ITGAE: variants seen among roughly 807,000 people sequenced by gnomAD.
ITGAE encodes integrin subunit alpha E.
Under a neutral mutation model 136.5 loss-of-function variants are expected in ITGAE, and 99 were observed. The ratio of observed to expected loss-of-function variants is 0.73; its 90% CI spans 0.62 to 0.86. The LOEUF is 0.86. Ranked by LOEUF, ITGAE falls within the 40% of genes least tolerant of loss-of-function variation. The pLI, the probability that ITGAE is intolerant of heterozygous loss-of-function variation, is 0.00. For missense variants in ITGAE, 1,447 were observed against 1,515.3 expected, an observed-to-expected ratio of 0.95 and a Z score of 0.75; for synonymous variants, 613 against 591.8, an observed-to-expected ratio of 1.04 and a Z score of -0.52.
chr17:3,775,765 C>T (rs1282627486), intron 2 of ITGAE, among the ~76,000 whole-genome samples: 2 of 152,118 alleles, frequency 1.3e-5, no homozygotes, highest in Admixed American at 6.5e-5. Context: ...CCACTGCGCC[C>T]GGCACACAAA....
intron 1 of ITGAE, among the ~76,000 whole-genome samples, chr17:3,786,401 C>T (rs2052799517): frequency 6.6e-6 from 1 of 151,924 alleles, no homozygotes; most frequent in African/African-American, 2.4e-5. Flanking sequence ...AGAAATAATG[C>T]CAAGTTTATA....
chr17:3,722,154 C>A (rs2436087), intron 28 of ITGAE, among the ~76,000 whole-genome samples: 1 of 145,210 alleles, frequency 6.9e-6, no homozygotes, highest in Non-Finnish European at 1.5e-5. Flanking sequence ...ACAACAAGAG[C>A]GAAACTCCGT....
At chr17:3,764,736 G>T (rs555451926) in intron 2 of ITGAE, among the ~76,000 whole-genome samples, 102 of 152,232 alleles carry the variant, frequency 6.7e-4, no homozygotes, top group Non-Finnish European at 1.3e-3. Context: ...AGGTTTGGGG[G>T]TGGCTGCCTC....
At position 3,748,003 on chromosome 17, in the gene ITGAE, C is replaced by T. The variant is rs141709145; in HGVS notation, c.2074G>A (p.Ala692Thr). Reference protein sequence around the residue: ...LKVSMAFTPSALPIGFNGVVN... With the variant: ...LKVSMAFTPSTLPIGFNGVVN... ...ACGCCGTTGAAGCCGATGGGCAGTGCGCTGGGGGTGAAGGCCATGGAGACC... is the reference window on the plus strand; with the variant it reads ...ACGCCGTTGAAGCCGATGGGCAGTGTGCTGGGGGTGAAGGCCATGGAGACC... Residue 692 changes from alanine (A) to threonine (T), a missense_variant, in exon 17 of 31, where the codon GCA (alanine) becomes ACA (threonine). Around this residue, in one of 3 missense-constraint regions of ITGAE, gnomAD observed 1,031 missense variants for 1,011.4 expected, o/e 1.02. Coordinates refer to ENST00000263087, the MANE Select transcript of ITGAE (RefSeq NM_002208.5). 7.6e-4 allele frequency: 1,218 copies of T among 1,613,070 alleles called. 7 individuals carry two copies. The African/African-American group carries it at 0.013, about 17-fold the overall frequency.
intron 19 of ITGAE, among the ~76,000 whole-genome samples, chr17:3,742,595 C>T (rs1352690340): frequency 6.6e-6 from 1 of 151,904 alleles, no homozygotes; most frequent in Non-Finnish European, 1.5e-5. Context: ...GCTGGAACTA[C>T]AGGCATGCAC....
In ITGAE at chr17:3,749,402, G is replaced by A. The variant is rs755720221; in HGVS notation, c.2024+950C>T. ...CGAGTCGCTGGGACTATAGGCGCCCGCCACCATGCCCGGCTAATTTTTTGT... is the reference window on the plus strand; with the variant it reads ...CGAGTCGCTGGGACTATAGGCGCCCACCACCATGCCCGGCTAATTTTTTGT... On this transcript the variant is annotated intron_variant, in intron 16 of 30. Transcript: ENST00000263087. 9.6e-4 allele frequency among the ~76,000 whole-genome samples: 146 copies of A among 152,110 alleles called. 3 individuals are homozygous for A. Among genetic ancestry groups the A allele is most frequent in the African/African-American group, 3.1e-3 (129 of 41,508 alleles).
At chr17:3,740,243 G>A (rs909297) in intron 19 of ITGAE, among the ~76,000 whole-genome samples, 3,212 of 152,322 alleles carry the variant, frequency 0.021, 58 homozygotes, top group Admixed American at 0.031. Flanking sequence ...ACACCTACGC[G>A]AAGAGAAGCT....
intron 2 of ITGAE, among the ~76,000 whole-genome samples, chr17:3,771,313 G>A (rs2052415535): frequency 6.6e-6 from 1 of 152,166 alleles, no homozygotes; most frequent in African/African-American, 2.4e-5. Context: ...CACACCGTAT[G>A]CCTCGTTGAT....
chr17:3,751,056 T>G (rs1421586565), intron 15 of ITGAE, among the ~76,000 whole-genome samples: 2 of 151,778 alleles, frequency 1.3e-5, no homozygotes, highest in African/African-American at 4.8e-5. Context: ...GTGAGCGTGC[T>G]GAGGACTGTC....
intron 30 of ITGAE, among the ~76,000 whole-genome samples, chr17:3,716,220 G>A (rs909196351): frequency 3.8e-5 from 4 of 105,874 alleles, no homozygotes; most frequent in African/African-American, 8.5e-5. Flanking sequence ...GACGGGTAGC[G>A]GACAGAGAGG....
At chr17:3,731,489 G>A (rs967990410) in intron 22 of ITGAE, among the ~76,000 whole-genome samples, 2 of 151,330 alleles carry the variant, frequency 1.3e-5, no homozygotes, top group African/African-American at 2.4e-5. Context: ...TTACAGGCAC[G>A]CACCACCACG....
intron 1 of ITGAE, among the ~76,000 whole-genome samples, chr17:3,794,062 T>C (rs1212346170): frequency 7.4e-6 from 1 of 135,508 alleles, no homozygotes; most frequent in Non-Finnish European, 1.5e-5. Flanking sequence ...CATTGCAACC[T>C]CCGCCTCCTG....
At chr17:3,722,479 T>TAAA (rs1161669258) in intron 28 of ITGAE, 2 of 106,870 alleles carry the variant, frequency 1.9e-5, no homozygotes, top group South Asian at 3.1e-4. Flanking sequence ...AGACTCCATC[T>TAAA]AAAAAAAAAA....
At chr17:3,772,827 GA>G (rs2052458239) in intron 2 of ITGAE, among the ~76,000 whole-genome samples, 1 of 152,144 alleles carries the variant, frequency 6.6e-6, no homozygotes, top group South Asian at 2.1e-4. Flanking sequence ...AATGATGTAG[GA>G]AACGTCGAGC....
chr17:3,767,304 G>A (rs1390164622), intron 2 of ITGAE, among the ~76,000 whole-genome samples: 1 of 151,984 alleles, frequency 6.6e-6, no homozygotes, highest in African/African-American at 2.4e-5. Flanking sequence ...CACCATGTTG[G>A]CCAGGCTGGT....
At chr17:3,752,286 C>T (rs1478652450) in intron 14 of ITGAE, among the ~76,000 whole-genome samples, 4 of 152,246 alleles carry the variant, frequency 2.6e-5, no homozygotes, top group African/African-American at 7.2e-5. Context: ...CTGGGTTTCA[C>T]TCGTGGCTCT....
Position 3,755,193 on chromosome 17 carries a change from G to C in ITGAE, c.1308C>G (p.Arg436=), listed in dbSNP as rs769963976. Residue 436 remains arginine (R), a synonymous_variant, in exon 12 of 31, where the codon CGC becomes CGG. Transcript: ENST00000263087. The part of the protein sequence containing the change: ...WSGGALLYDT[R]SRRGRFLNQT... ...GGTTCAGGAAGCGGCCCCGGCGGCTGCGTGTGTCGTAGAGCAACGCCCCTC... is the reference window on the plus strand; with the variant it reads ...GGTTCAGGAAGCGGCCCCGGCGGCTCCGTGTGTCGTAGAGCAACGCCCCTC... The C allele has an allele frequency of 6.3e-6, 10 of 1,579,794 alleles. No individual in the cohort carries two copies. Among genetic ancestry groups the C allele is most frequent in the Non-Finnish European group, 8.6e-6 (10 of 1,168,554 alleles).
Position 3,755,874 on chromosome 17 carries a change from A to ATCT in ITGAE, c.1194_1195insAGA (p.His398_Tyr399insArg). On this transcript the variant is annotated inframe_insertion, in exon 11 of 31. Transcript: ENST00000263087. The stretch of plus-strand genomic sequence containing the variant: ...CTGAAGCCAATCTGTGCCAGCTGGT[A>ATCT]GTGAAGGGCGTCTCCAACCGTGCCT... The ATCT allele has an allele frequency of 6.2e-7, 1 of 1,600,188 alleles. No homozygotes were observed. Among genetic ancestry groups the ATCT allele is most frequent in the South Asian group, 1.1e-5 (1 of 88,322 alleles).
chr17:3,719,782 G>A (rs2051013626), intron 29 of ITGAE, among the ~76,000 whole-genome samples: 2 of 151,974 alleles, frequency 1.3e-5, no homozygotes, highest in Admixed American at 1.3e-4. Context: ...GGCTGGAGTG[G>A]AGTGGTGTGA....
Sources: gnomAD v4.1 joint callset for allele counts (sites outside exome capture counted in the v4.1 genomes callset) on GRCh38, gnomAD v4.1.1 for gene constraint, gnomAD v4.1.1 regional missense constraint, MANE v1.5 for transcripts, NCBI Gene and HGNC (gene_info 2026-07-23, HGNC 2026-07-21) for gene names.